CDK7: variants seen among roughly 807,000 people sequenced by gnomAD.
CDK7 encodes cyclin-dependent kinase 7.
CDK7 carries 25 observed loss-of-function variants against 49.1 expected under a neutral mutation model. The observed-to-expected ratio is 0.51, with a 90% CI of 0.37 to 0.71. The LOEUF (loss-of-function observed/expected upper bound fraction) is 0.71, where lower values mean the gene tolerates loss of function less well. Ranked by LOEUF, CDK7 falls within the 30% of genes least tolerant of loss-of-function variation. CDK7 has a pLI of 0.00. For synonymous variants in CDK7, 107 were observed against 140.0 expected, an observed-to-expected ratio of 0.76 and a Z score of 1.67; for missense variants, 316 against 411.7, an observed-to-expected ratio of 0.77 and a Z score of 2.01.
chr5:69,243,486 C>G (rs375665703), intron 2 of CDK7, among the ~76,000 whole-genome samples: 1 of 152,130 alleles, frequency 6.6e-6, no homozygotes, highest in East Asian at 1.9e-4. Context: ...CTATTCTGTT[C>G]CATTGGTCTG....
intron 5 of CDK7, 129 bp downstream of exon 5, chr5:69,255,657 G>A (rs1475971515): frequency 7.9e-6 from 6 of 755,010 alleles, no homozygotes; most frequent in East Asian, 2.5e-5. Context: ...AAATTTGGAT[G>A]TACTCTGAGG....
intron 10 of CDK7, among the ~76,000 whole-genome samples, chr5:69,275,801 C>A (rs7716060): frequency 6.6e-6 from 1 of 152,052 alleles, no homozygotes; most frequent in Non-Finnish European, 1.5e-5. Context: ...TAGCAAGACC[C>A]CATTCTCCAC....
intron 5 of CDK7, 192 bp downstream of exon 5, chr5:69,255,720 T>C: frequency 1.7e-6 from 1 of 598,580 alleles, no homozygotes; most frequent in Non-Finnish European, 3.0e-6. Context: ...TCCCCAGTGT[T>C]ACATACAAAG....
intron 8 of CDK7, among the ~76,000 whole-genome samples, chr5:69,264,703 G>A (rs886362139): frequency 5.3e-5 from 8 of 152,222 alleles, no homozygotes; most frequent in African/African-American, 1.9e-4. Flanking sequence ...GGGCGCAGTA[G>A]CTCATGCCTG....
At chr5:69,272,263 A>G (rs1002306353) in intron 9 of CDK7, among the ~76,000 whole-genome samples, 1 of 152,160 alleles carries the variant, frequency 6.6e-6, no homozygotes, top group African/African-American at 2.4e-5. Flanking sequence ...CTCTCTGCCA[A>G]TACAACAGAG....
At chr5:69,236,040 A>G (rs1561339634) in intron 2 of CDK7, among the ~76,000 whole-genome samples, 1 of 152,330 alleles carries the variant, frequency 6.6e-6, no homozygotes, top group Non-Finnish European at 1.5e-5. Context: ...CAAGAGATCC[A>G]GACCATCCTG....
intron 2 of CDK7, among the ~76,000 whole-genome samples, chr5:69,248,926 C>T (rs1249675545): frequency 6.6e-6 from 1 of 151,100 alleles, no homozygotes; most frequent in African/African-American, 2.4e-5. Flanking sequence ...GCCTTAGCCT[C>T]CTGAGTAGCT....
chr5:69,234,962 C>G lies in CDK7; in HGVS notation c.-14C>G. 1 of 1,587,474 alleles carries G rather than the reference C, an allele frequency of 6.3e-7. No homozygotes were observed. Among genetic ancestry groups the G allele is most frequent in the East Asian group, 2.3e-5 (1 of 43,772 alleles). ...CTCGCCCTTTTCGGCTGGAGTCGGG[C>G]TTTACGGCGCCGGATGGCTCTGGAC... is the stretch of plus-strand genomic sequence containing the variant. On this transcript the variant is annotated 5_prime_UTR_variant, in exon 1 of 12. Transcript: ENST00000256443.
intron 2 of CDK7, among the ~76,000 whole-genome samples, chr5:69,243,260 CCT>C (rs1024140858): frequency 1.1e-4 from 16 of 152,054 alleles, no homozygotes; most frequent in Non-Finnish European, 2.2e-4. Flanking sequence ...AGGGTGTCTC[CCT>C]CTCTGCACCA....
chr5:69,277,107 G>C lies in CDK7; in HGVS notation c.1013G>C (p.Gly338Ala). 1 of 1,595,388 alleles carries C rather than the reference G, an allele frequency of 6.3e-7. No individual in the cohort carries two copies. The highest frequency in any genetic ancestry group is 8.5e-7 in the Non-Finnish European group (1 of 1,172,608). Reference sequence around the variant, plus strand: ...TTTTCTTGTTCTTTTTGCTTCCTAGGAGGATTGCCCAAGAAACTAATTTTT... The same window carrying C: ...TTTTCTTGTTCTTTTTGCTTCCTAGCAGGATTGCCCAAGAAACTAATTTTT... ...KRKRTEALEQGGLPKKLIF is the reference protein window; with the variant it reads ...KRKRTEALEQAGLPKKLIF Residue 338 changes from glycine (G) to alanine (A), a missense_variant and splice_region_variant, in exon 12 of 12, where the codon GGA becomes GCA. By Grantham distance (60) the Gly-to-Ala change is moderately conservative. Transcript: ENST00000256443.
At chr5:69,254,760 T>C in intron 4 of CDK7, 91 bp downstream of exon 4, 1 of 750,968 alleles carries the variant, frequency 1.3e-6, no homozygotes. Context: ...AGATGACTTG[T>C]TCTGGATGAG....
intron 4 of CDK7, 61 bp from the exon 5 acceptor site, chr5:69,255,399 G>A (rs1232440611): frequency 2.2e-6 from 2 of 928,408 alleles, no homozygotes; most frequent in African/African-American, 1.7e-5. Context: ...AATTGCCTCA[G>A]TTGCTATGAT....
chr5:69,268,745 C>A (rs984132404), intron 8 of CDK7, among the ~76,000 whole-genome samples: 1 of 149,288 alleles, frequency 6.7e-6, no homozygotes, highest in Non-Finnish European at 1.5e-5. Flanking sequence ...CCCAGCTACT[C>A]TGGAGGCTGA....
intron 2 of CDK7, among the ~76,000 whole-genome samples, chr5:69,243,076 A>AAGG (rs1418767516): frequency 5.3e-5 from 8 of 152,132 alleles, no homozygotes; most frequent in African/African-American, 1.7e-4. Flanking sequence ...AGTCAGCTAT[A>AAGG]TCACGTTTTA....
chr5:69,253,704 T>TA (rs1417248410), intron 3 of CDK7, among the ~76,000 whole-genome samples: 2 of 152,198 alleles, frequency 1.3e-5, no homozygotes, highest in African/African-American at 4.8e-5. Context: ...GCTGCACACT[T>TA]ATATATGTTG....
Position 69,243,663 on chromosome 5 carries a change from A to G in CDK7, c.126+8210A>G, listed in dbSNP as rs530622422. ...TTTTAGGATTGTTTTTCCTATTTCC[A>G]TGACGAATGTCATTGGTATATTGAT... is the stretch of plus-strand genomic sequence containing the variant. On this transcript the variant is annotated intron_variant, in intron 2 of 11. Coordinates refer to ENST00000256443, the MANE Select transcript of CDK7 (RefSeq NM_001799.4). Among the ~76,000 whole-genome samples, 5 of 152,080 alleles carry G rather than the reference A, an allele frequency of 3.3e-5. No homozygotes were observed. In the East Asian group the frequency reaches 7.7e-4, roughly 23 times the overall value.
At chr5:69,258,376 ATTT>A (rs58004328) in intron 6 of CDK7, among the ~76,000 whole-genome samples, 22 of 105,008 alleles carry the variant, frequency 2.1e-4, no homozygotes, top group African/African-American at 2.3e-4. Flanking sequence ...CCAGTCCCTC[ATTT>A]TTTTTTTTTT....
chr5:69,268,417 A>G (rs1212436125), intron 8 of CDK7, among the ~76,000 whole-genome samples: 2 of 152,236 alleles, frequency 1.3e-5, no homozygotes, highest in Admixed American at 6.5e-5. Flanking sequence ...TAAAATGGAT[A>G]GTAAAGGTGC....
Position 69,273,056 on chromosome 5 carries a change from C to G in CDK7, c.864+15C>G, listed in dbSNP as rs1390713382. ...CGGCCACACAGGTATTTTGGTGTATCTTTTTTATACTAGGAAATATAAAAA... is the reference window on the plus strand; with the variant it reads ...CGGCCACACAGGTATTTTGGTGTATGTTTTTTATACTAGGAAATATAAAAA... On this transcript the variant is annotated intron_variant, in intron 10 of 11. Transcript: ENST00000256443. 6.9e-7 allele frequency: 1 copy of G among 1,448,974 alleles called. No individual in the cohort carries two copies. The highest frequency in any genetic ancestry group is 9.3e-7 in the Non-Finnish European group (1 of 1,076,338). The allele number at this position is 1,448,974 out of a possible 1,614,324, so 89.8% of individuals were successfully genotyped here.
Sources: gnomAD v4.1 joint callset for allele counts (sites outside exome capture counted in the v4.1 genomes callset) on GRCh38, gnomAD v4.1.1 for gene constraint, MANE v1.5 for transcripts, NCBI Gene and HGNC (gene_info 2026-07-23, HGNC 2026-07-21) for gene names.